Variants in TSEN54 observed in about 807,000 individuals in gnomAD.
TSEN54 encodes the protein tRNA splicing endonuclease subunit 54.
In TSEN54, 55 loss-of-function variants were observed where a neutral mutation model predicts 61.9. That is an observed-to-expected ratio of 0.89 (90% confidence interval 0.72 to 1.11). The LOEUF (loss-of-function observed/expected upper bound fraction) is 1.11. Ranked by LOEUF, TSEN54 falls within the 50% of genes most tolerant of loss-of-function variation. The probability of loss-of-function intolerance (pLI) is 0.00; values close to 1 mark genes in which losing one functional copy is unlikely to be tolerated. For missense variants in TSEN54, 760 were observed against 687.7 expected (o/e 1.11, Z -1.18); for synonymous variants, 304 against 288.7 (o/e 1.05, Z -0.54).
In TSEN54 at chr17:75,521,861, T is replaced by G; in HGVS notation, c.780T>G (p.Leu260=). Reference sequence around the variant, plus strand: ...AGGGCCCAGGGGGCCCCTTTCAGCTTCTGGGGTCCCTGGGCCCCAGCCCTG... The same window carrying G: ...AGGGCCCAGGGGGCCCCTTTCAGCTGCTGGGGTCCCTGGGCCCCAGCCCTG... ...PMKGPGGPFQ[L]LGSLGPSPGP... Residue 260 remains leucine, a synonymous_variant, in exon 8 of 11, where the codon CTT becomes CTG. Coordinates refer to ENST00000333213, the MANE Select transcript of TSEN54 (RefSeq NM_207346.3). 3 of 1,611,646 alleles carry G rather than the reference T, an allele frequency of 1.9e-6. No homozygotes were observed. Among genetic ancestry groups the G allele is most frequent in the Non-Finnish European group, 2.5e-6 (3 of 1,179,418 alleles).
In TSEN54 at chr17:75,521,947, C is replaced by G; in HGVS notation, c.866C>G (p.Thr289Arg). The G allele has an allele frequency of 6.2e-7, 1 of 1,610,230 alleles. No homozygotes were observed. The highest frequency in any genetic ancestry group is 8.5e-7 in the Non-Finnish European group (1 of 1,179,058). Reference protein sequence around the residue: ...WESGRAENGVTGAGKRRWNFE... With the variant: ...WESGRAENGVRGAGKRRWNFE... ...AGTGGCAGAGCCGAGAACGGAGTCACGGGAGCCGGTAAGCGGCGCTGGAAC... is the reference window on the plus strand; with the variant it reads ...AGTGGCAGAGCCGAGAACGGAGTCAGGGGAGCCGGTAAGCGGCGCTGGAAC... Residue 289 changes from threonine (T) to arginine (R), a missense_variant, in exon 8 of 11, where the codon ACG (threonine) becomes AGG (arginine). This residue lies in a region of TSEN54 where 667 missense variants were observed against 577.8 expected (regional missense o/e 1.15). Coordinates refer to ENST00000333213, the MANE Select transcript of TSEN54 (RefSeq NM_207346.3).
chr17:75,524,444 C>T lies in TSEN54; in HGVS notation c.*32C>T, dbSNP rs773655993. On this transcript the variant is annotated 3_prime_UTR_variant, in exon 11 of 11. Transcript: ENST00000333213. ...AGCTCTGCAGAGGATGGAGCTTGCT[C>T]CGGGGGACCGGGACTGTCTGTTCTC... The T allele has an allele frequency of 6.9e-5, 111 of 1,613,336 alleles. 1 individual carries two copies. In the South Asian group the frequency reaches 1.2e-3, roughly 18 times the overall value.
At chr17:75,522,959 TC>T (rs2053444326) in intron 8 of TSEN54, 1 of 385,670 alleles carries the variant, frequency 2.6e-6, no homozygotes, top group Admixed American at 3.7e-5. Flanking sequence ...GGCGGGCAGA[TC>T]ACCTGAGGTC....
chr17:75,521,527 G>C lies in TSEN54; in HGVS notation c.623+17G>C, dbSNP rs748640953. The C allele has an allele frequency of 2.5e-6, 4 of 1,612,104 alleles. No homozygotes were observed. In the East Asian group the frequency reaches 6.7e-5, roughly 27 times the overall value. On this transcript the variant is annotated intron_variant, in intron 7 of 10. Coordinates refer to ENST00000333213, the MANE Select transcript of TSEN54 (RefSeq NM_207346.3). ...CAGCCCTCGGTAACTCCCACATCAC[G>C]GTGGCCCCCCAGGGAGTGCTGGTGT...
In TSEN54 at chr17:75,524,582, C is replaced by G. The variant is rs940533460; in HGVS notation, c.*170C>G. On this transcript the variant is annotated 3_prime_UTR_variant, in exon 11 of 11. Transcript: ENST00000333213. Reference sequence around the variant, plus strand: ...TCACAGAGTGAAACTGTGACCCTCTCCCTTCCCTGCTGCCTTGCAGTGACC... The same window carrying G: ...TCACAGAGTGAAACTGTGACCCTCTGCCTTCCCTGCTGCCTTGCAGTGACC... 4.7e-6 allele frequency: 4 copies of G among 845,184 alleles called. No homozygotes were observed. The highest frequency in any genetic ancestry group is 1.7e-5 in the African/African-American group (1 of 59,818). 52.4% of individuals were successfully genotyped at this position (845,184 alleles called of 1,614,324 possible). A position where few individuals can be genotyped will look rare whatever the true frequency, so the allele number is the denominator to read the frequency against.
intron 6 of TSEN54, among the ~76,000 whole-genome samples, chr17:75,520,096 C>A (rs1408044828): frequency 6.7e-6 from 1 of 149,622 alleles, no homozygotes; most frequent in Non-Finnish European, 1.5e-5. Context: ...AGTGTACTTG[C>A]AAACAAGAGT....
Position 75,524,441 on chromosome 17 carries a change from G to A in TSEN54, c.*29G>A, listed in dbSNP as rs1301233327. The A allele has an allele frequency of 6.2e-7, 1 of 1,613,676 alleles. No homozygotes were observed. On this transcript the variant is annotated 3_prime_UTR_variant, in exon 11 of 11. Transcript: ENST00000333213. ...CACAGCTCTGCAGAGGATGGAGCTT[G>A]CTCCGGGGGACCGGGACTGTCTGTT... is the stretch of plus-strand genomic sequence containing the variant.
At chr17:75,522,947 G>C in intron 8 of TSEN54, 3 of 375,386 alleles carry the variant, frequency 8.0e-6, no homozygotes, top group Non-Finnish European at 1.0e-5. Flanking sequence ...TTGGGAGGCC[G>C]AGGCGGGCAG....
rs767004213 is a variant in TSEN54, at chr17:75,517,658, A to G, written c.468+3A>G. Reference sequence around the variant, plus strand: ...CTGTGACCTTCCTGCAGTACCAGGTATCTGCCACCACCCCGCCTCCGGGAG... The same window carrying G: ...CTGTGACCTTCCTGCAGTACCAGGTGTCTGCCACCACCCCGCCTCCGGGAG... On this transcript the variant is annotated splice_donor_region_variant and intron_variant, in intron 5 of 10. Transcript: ENST00000333213. 51 of 1,612,740 alleles carry G rather than the reference A, an allele frequency of 3.2e-5. No individual in the cohort carries two copies. The highest frequency in any genetic ancestry group is 4.2e-5 in the Non-Finnish European group (49 of 1,179,286).
intron 10 of TSEN54, 124 bp from the exon 11 acceptor site, chr17:75,524,138 G>C: frequency 7.1e-7 from 1 of 1,404,076 alleles, no homozygotes; most frequent in Non-Finnish European, 1.0e-6. Flanking sequence ...CTGTGTTTTG[G>C]AGACAGAACT....
intron 10 of TSEN54, 26 bp from the exon 11 acceptor site, chr17:75,524,236 C>A: frequency 6.2e-7 from 1 of 1,614,060 alleles, no homozygotes; most frequent in Non-Finnish European, 8.5e-7. Context: ...ATGGCTGGGT[C>A]TCACTCTAAC....
In TSEN54 at chr17:75,524,342, T is replaced by C. The variant is rs587784477; in HGVS notation, c.1511T>C (p.Leu504Pro). The C allele has an allele frequency of 6.2e-7, 1 of 1,614,200 alleles. No homozygotes were observed. Among genetic ancestry groups the C allele is most frequent in the Non-Finnish European group, 8.5e-7 (1 of 1,180,036 alleles). Residue 504 changes from leucine to proline, a missense_variant, in exon 11 of 11, where the codon CTG becomes CCG. Leu to Pro is a moderately conservative substitution (Grantham distance 98). Coordinates refer to ENST00000333213, the MANE Select transcript of TSEN54 (RefSeq NM_207346.3). The part of the protein sequence containing the change: ...QSGDVPLIFA[L>P]VDHGDISFYS... ...GGGGATGTCCCTCTGATCTTTGCCC[T>C]GGTGGATCATGGTGACATCTCCTTC... is the stretch of plus-strand genomic sequence containing the variant.
intron 9 of TSEN54, 25 bp from the exon 10 acceptor site, chr17:75,523,638 A>C: frequency 6.2e-7 from 1 of 1,614,122 alleles, no homozygotes; most frequent in East Asian, 2.2e-5. Flanking sequence ...AGTTCATGTC[A>C]TAACGTTTCT....
intron 8 of TSEN54, 178 bp downstream of exon 8, chr17:75,522,511 G>A (rs1346881415): frequency 6.8e-7 from 1 of 1,473,280 alleles, no homozygotes. Flanking sequence ...GTGTGGGAAG[G>A]CTTAGAGATG....
rs1568003622 is a variant in TSEN54, at chr17:75,522,183, G to GCCGATC, written c.1107_1112dup (p.Asp369_Pro370dup). 11 of 1,549,612 alleles carry GCCGATC rather than the reference G, an allele frequency of 7.1e-6. No homozygotes were observed. Among genetic ancestry groups the GCCGATC allele is most frequent in the Non-Finnish European group, 9.6e-6 (11 of 1,144,540 alleles). ...CGCGCAGTTCCAGGAAGATGTCAACGCCGATCCCGAGGTGCAGCGGTGCTC... is the reference window on the plus strand; with the variant it reads ...CGCGCAGTTCCAGGAAGATGTCAACGCCGATCCCGATCCCGAGGTGCAGCGGTGCTC... On this transcript the variant is annotated inframe_insertion, in exon 8 of 11. Transcript: ENST00000333213.
chr17:75,519,073 C>T (rs751612333), intron 6 of TSEN54, 26 bp downstream of exon 6: 1 of 1,613,570 alleles, frequency 6.2e-7, no homozygotes, highest in Non-Finnish European at 8.5e-7. Flanking sequence ...GTTCCCCTTC[C>T]ATATATTCTA....
Position 75,522,189 on chromosome 17 carries a change from C to A in TSEN54, c.1108C>A (p.Pro370Thr). 2 of 1,549,408 alleles carry A rather than the reference C, an allele frequency of 1.3e-6. No individual in the cohort carries two copies. The highest frequency in any genetic ancestry group is 1.7e-6 in the Non-Finnish European group (2 of 1,144,510). The change falls in exon 8 of 11, where the codon CCC becomes ACC. Residue 370 changes from proline to threonine, a missense_variant. By Grantham distance (38) the Pro-to-Thr change is conservative. Around this residue, in one of 3 missense-constraint regions of TSEN54, gnomAD observed 667 missense variants for 577.8 expected, o/e 1.15. Transcript: ENST00000333213. The part of the protein sequence containing the change: ...AQFQEDVNAD[P>T]EVQRCSSWRE... ...GTTCCAGGAAGATGTCAACGCCGATCCCGAGGTGCAGCGGTGCTCCAGCTG... is the reference window on the plus strand; with the variant it reads ...GTTCCAGGAAGATGTCAACGCCGATACCGAGGTGCAGCGGTGCTCCAGCTG...
rs2053387849 is a variant in TSEN54, at chr17:75,517,649, G to C, written c.462G>C (p.Gln154His). 3 of 1,613,572 alleles carry C rather than the reference G, an allele frequency of 1.9e-6. No individual in the cohort carries two copies. The African/African-American group carries it at 4.0e-5, about 22-fold the overall frequency. The change falls in exon 5 of 11, where the codon CAG becomes CAC. Residue 154 changes from glutamine (Q) to histidine (H), a missense_variant. Physicochemically the swap from Gln to His is conservative, Grantham distance 24. This residue lies in a region of TSEN54 where 667 missense variants were observed against 577.8 expected (regional missense o/e 1.15). Transcript: ENST00000333213. ...CCGACCACACTGTGACCTTCCTGCA[G>C]TACCAGGTATCTGCCACCACCCCGC... is the stretch of plus-strand genomic sequence containing the variant. Reference protein sequence around the residue: ...LLTDHTVTFLQYQVFSHLKRL... With the variant: ...LLTDHTVTFLHYQVFSHLKRL...
chr17:75,516,563 GGAGCCC>G lies in TSEN54; in HGVS notation c.17_22del (p.Glu6_Pro7del), dbSNP rs904918193. ...GCGCAGCGGCAGGCGGCGGCGGGAT[GGAGCCC>G]GAGCCCGAGCCCGCGGCCGTGGAGG... On this transcript the variant is annotated inframe_deletion, in exon 1 of 11. Coordinates refer to ENST00000333213, the MANE Select transcript of TSEN54 (RefSeq NM_207346.3). The G allele has an allele frequency of 6.2e-6, 7 of 1,124,830 alleles. No individual in the cohort carries two copies. The African/African-American group carries it at 1.1e-4, about 18-fold the overall frequency. The allele number at this position is 1,124,830 out of a possible 1,614,324, so 69.7% of individuals were successfully genotyped here.
Sources: gnomAD v4.1 joint callset for allele counts (sites outside exome capture counted in the v4.1 genomes callset) on GRCh38, gnomAD v4.1.1 for gene constraint, gnomAD v4.1.1 regional missense constraint, MANE v1.5 for transcripts, NCBI Gene and HGNC (gene_info 2026-07-23, HGNC 2026-07-21) for gene names.